The following LRCH3 variants were observed in gnomAD, a reference collection of about 807,000 sequenced individuals.
LRCH3 encodes DISP complex protein LRCH3.
A neutral mutation model predicts 104.5 loss-of-function variants in LRCH3; 68 were observed. That is an observed-to-expected ratio of 0.65 (90% CI 0.54 to 0.80). The LOEUF is 0.80. Ranked by LOEUF, LRCH3 falls within the 30% of genes least tolerant of loss-of-function variation. The pLI is 0.00. For missense variants in LRCH3, 951 were observed against 953.9 expected, an observed-to-expected ratio of 1.00 and a Z score of 0.04; for synonymous variants, 344 against 361.3, an observed-to-expected ratio of 0.95 and a Z score of 0.54.
At chr3:197,801,525 T>C (rs371206401) in intron 1 of LRCH3, among the ~76,000 whole-genome samples, 26 of 152,346 alleles carry the variant, frequency 1.7e-4, no homozygotes, top group African/African-American at 6.3e-4. Context: ...TGTTAACTCA[T>C]GTATTTCTCA....
At position 197,871,479 on chromosome 3, in the gene LRCH3, A is replaced by G. The variant is rs1712185107; in HGVS notation, c.2130+17A>G. 1 of 1,611,036 alleles carries G rather than the reference A, an allele frequency of 6.2e-7. No individual in the cohort carries two copies. The highest frequency in any genetic ancestry group is 1.3e-5 in the African/African-American group (1 of 75,018). ...CCAGCTGTAGTAAGTTGATAATCCT[A>G]AAAAGCCTTGGCTATTCATCAGACA... On this transcript the variant is annotated intron_variant, in intron 19 of 20. Transcript: ENST00000425562.
Position 197,871,324 on chromosome 3 carries a change from G to T in LRCH3, c.1993-1G>T. 4 of 1,606,478 alleles carry T rather than the reference G, an allele frequency of 2.5e-6. No homozygotes were observed. Among genetic ancestry groups the T allele is most frequent in the South Asian group, 2.2e-5 (2 of 90,246 alleles). On this transcript the variant is annotated splice_acceptor_variant, in intron 18 of 20. Coordinates refer to ENST00000425562, the MANE Select transcript of LRCH3 (RefSeq NM_001365715.1). LOFTEE classifies it high-confidence loss of function. ...CTATTACATGTTTTTTGTTCTTTCA[G>T]CATATTGAGTACCGGTTGAAAGTGT...
At chr3:197,822,568 T>G (rs1280894008) in intron 4 of LRCH3, among the ~76,000 whole-genome samples, 2 of 152,208 alleles carry the variant, frequency 1.3e-5, no homozygotes, top group East Asian at 3.8e-4. Flanking sequence ...TAGTTTCAAT[T>G]TTTTTAACAG....
At chr3:197,879,538 C>A (rs528955104) in intron 20 of LRCH3, among the ~76,000 whole-genome samples, 2 of 151,536 alleles carry the variant, frequency 1.3e-5, no homozygotes, top group Admixed American at 6.6e-5. Flanking sequence ...CCCAGCTGCT[C>A]GGGAGGCTGA....
At position 197,883,365 on chromosome 3, in the gene LRCH3, T is replaced by G; in HGVS notation, c.2209-176T>G. The G allele has an allele frequency of 1.4e-6, 2 of 1,394,780 alleles. No individual in the cohort carries two copies. Among genetic ancestry groups the G allele is most frequent in the Non-Finnish European group, 1.9e-6 (2 of 1,075,994 alleles). The allele number at this position is 1,394,780 out of a possible 1,614,324, so 86.4% of individuals were successfully genotyped here. A position where few individuals can be genotyped will look rare whatever the true frequency, so the allele number is the denominator to read the frequency against. On this transcript the variant is annotated intron_variant, in intron 20 of 20. Transcript: ENST00000425562. The surrounding 1 kb of genome is among the most constrained non-coding windows in gnomAD (Gnocchi z 4.2). ...GTTGTATTAATAAAGTGACAGTGAG[T>G]GTCAGACACCATCTCTCTAACTCAT...
chr3:197,842,577 G>A (rs1737963556), intron 10 of LRCH3, among the ~76,000 whole-genome samples: 1 of 151,944 alleles, frequency 6.6e-6, no homozygotes, highest in South Asian at 2.1e-4. Flanking sequence ...TTTTCTTCCA[G>A]TTCTTTTCCC....
At chr3:197,855,699 T>C (rs1740154638) in intron 14 of LRCH3, among the ~76,000 whole-genome samples, 1 of 152,204 alleles carries the variant, frequency 6.6e-6, no homozygotes, top group African/African-American at 2.4e-5. Context: ...AACAAAACAG[T>C]GGAATTTAGA....
In LRCH3 at chr3:197,886,652, A is replaced by G. The variant is rs1413537099; in HGVS notation, c.*2986A>G. 2.0e-5 allele frequency: 3 copies of G among 152,110 alleles called. No individual in the cohort carries two copies. The highest frequency in any genetic ancestry group is 7.2e-5 in the African/African-American group (3 of 41,422). The allele number at this position is 152,110 out of a possible 1,614,324, so 9.4% of individuals were successfully genotyped here. On this transcript the variant is annotated 3_prime_UTR_variant, in exon 21 of 21. Coordinates refer to ENST00000425562, the MANE Select transcript of LRCH3 (RefSeq NM_001365715.1). ...AAACCTTGTCTCTACTAAAAATACA[A>G]AAATTAGCTGGGCGTGGTGGTGGGC...
chr3:197,858,250 C>A (rs1372898787), intron 14 of LRCH3, among the ~76,000 whole-genome samples: 1 of 152,174 alleles, frequency 6.6e-6, no homozygotes, highest in East Asian at 1.9e-4. Flanking sequence ...CAATCTATCT[C>A]TAATACAGCT....
Position 197,856,441 on chromosome 3 carries a change from C to G in LRCH3, c.1644+1996C>G, listed in dbSNP as rs1477713968. ...ATTTATTTATTTAATTATTTTGAGA[C>G]AGAGTCTCCCTCTGTTGCCGAGGCT... On this transcript the variant is annotated intron_variant, in intron 14 of 20. Transcript: ENST00000425562. This position sits in a 1 kb window ranked among gnomAD's most constrained non-coding sequence, Gnocchi z 4.2. Among the ~76,000 whole-genome samples the G allele has an allele frequency of 6.6e-6, 1 of 151,772 alleles. No individual in the cohort carries two copies. Among genetic ancestry groups the G allele is most frequent in the Non-Finnish European group, 1.5e-5 (1 of 67,990 alleles).
intron 15 of LRCH3, 166 bp downstream of exon 15, chr3:197,859,071 A>C (rs1740595593): frequency 1.6e-6 from 1 of 625,496 alleles, no homozygotes; most frequent in African/African-American, 1.8e-5. Context: ...ATTTTTTGAA[A>C]GTTTTATGAT....
upstream of LRCH3, chr3:197,791,228 T>C (rs773358637): frequency 1.9e-6 from 3 of 1,585,426 alleles, no homozygotes. Flanking sequence ...CACCCAGCGG[T>C]CCGGCCGCGC....
chr3:197,817,241 G>C lies in LRCH3; in HGVS notation c.473G>C (p.Ser158Thr). 6 of 1,610,754 alleles carry C rather than the reference G, an allele frequency of 3.7e-6. No homozygotes were observed. The highest frequency in any genetic ancestry group is 5.1e-6 in the Non-Finnish European group (6 of 1,178,452). Residue 158 changes from serine (S) to threonine (T), a missense_variant, in exon 3 of 21, where the codon AGT becomes ACT. Transcript: ENST00000425562. ...CNLPLKVLIA[S>T]NNKLVSLPEE... is the part of the protein sequence containing the mutation. ...TTGCCATTGAAAGTCTTAATTGCTA[G>C]TAATAACAAATTGGTGTCACTTCCA... is the stretch of plus-strand genomic sequence containing the variant.
chr3:197,861,530 A>G (rs1255313353), intron 15 of LRCH3, among the ~76,000 whole-genome samples: 3 of 152,254 alleles, frequency 2.0e-5, no homozygotes, highest in African/African-American at 7.2e-5. Context: ...GAGATTAAAA[A>G]TAAAACTTCA....
intron 13 of LRCH3, 74 bp downstream of exon 13, chr3:197,852,694 G>T: frequency 6.8e-7 from 1 of 1,462,446 alleles, no homozygotes. Context: ...ACATGTAATT[G>T]TCATGTTTTC....
intron 1 of LRCH3, among the ~76,000 whole-genome samples, chr3:197,802,090 T>G (rs1223350117): frequency 6.6e-6 from 1 of 152,210 alleles, no homozygotes; most frequent in Non-Finnish European, 1.5e-5. Context: ...TTCTCAGACT[T>G]CCTCTGCTGC....
At chr3:197,882,522 CA>C in intron 20 of LRCH3, 3 of 839,896 alleles carry the variant, frequency 3.6e-6, no homozygotes, top group South Asian at 5.4e-5. Context: ...AAAAGCAAAA[CA>C]AAAAACAAAA....
intron 4 of LRCH3, 147 bp downstream of exon 4, chr3:197,820,577 G>T: frequency 1.7e-6 from 1 of 599,526 alleles, no homozygotes; most frequent in Non-Finnish European, 2.9e-6. Context: ...TTGGGAGGCC[G>T]ATGAGGGAGG....
intron 17 of LRCH3, among the ~76,000 whole-genome samples, chr3:197,869,701 G>T (rs113588575): frequency 9.0e-6 from 1 of 111,586 alleles, no homozygotes; most frequent in Non-Finnish European, 1.8e-5. Flanking sequence ...GGTAGAAAGC[G>T]ATGCACTGTA....
Sources: gnomAD v4.1 joint callset for allele counts (sites outside exome capture counted in the v4.1 genomes callset) on GRCh38, gnomAD v4.1.1 for gene constraint, Gnocchi (gnomAD v3.1) non-coding constraint, MANE v1.5 for transcripts, NCBI Gene and HGNC (gene_info 2026-07-23, HGNC 2026-07-21) for gene names.